MPHOSPH9: variants seen among roughly 807,000 people sequenced by gnomAD.
The protein encoded by MPHOSPH9 is M-phase phosphoprotein 9.
MPHOSPH9 carries 88 observed loss-of-function variants against 145.5 expected under a neutral mutation model. The observed-to-expected ratio is 0.60, with a 90% confidence interval of 0.51 to 0.72. The LOEUF (loss-of-function observed/expected upper bound fraction) is 0.72. MPHOSPH9 is among the 30% of genes least tolerant of loss of function. MPHOSPH9 has a pLI of 0.00. For synonymous variants in MPHOSPH9, 435 were observed against 486.2 expected, an observed-to-expected ratio of 0.89 and a Z score of 1.39; for missense variants, 1,238 against 1,386.6, an observed-to-expected ratio of 0.89 and a Z score of 1.70.
chr12:123,212,308 C>A (rs933649917), intron 7 of MPHOSPH9, among the ~76,000 whole-genome samples: 2 of 152,096 alleles, frequency 1.3e-5, no homozygotes, highest in African/African-American at 4.8e-5. Context: ...GGGAAAAGAA[C>A]ATTTCAAGTA....
Position 123,221,244 on chromosome 12 carries a change from AT to A in MPHOSPH9, c.872+127del, listed in dbSNP as rs1439812501. ...CATTAGAATATAGTGTGCTTTGTTTATTTCAATTTTCTACAGGCAATGAACT... is the reference window on the plus strand; with the variant it reads ...CATTAGAATATAGTGTGCTTTGTTTATTCAATTTTCTACAGGCAATGAACT... On this transcript the variant is annotated intron_variant, in intron 5 of 23. Coordinates refer to ENST00000606320, the MANE Select transcript of MPHOSPH9 (RefSeq NM_022782.4). 10 of 773,586 alleles carry A rather than the reference AT, an allele frequency of 1.3e-5. No individual in the cohort carries two copies. In the East Asian group the frequency reaches 2.7e-4, roughly 21 times the overall value. The allele number at this position is 773,586 out of a possible 1,614,324, so 47.9% of individuals were successfully genotyped here.
At chr12:123,221,041 C>A (rs1482907108) in intron 5 of MPHOSPH9, among the ~76,000 whole-genome samples, 1 of 152,094 alleles carries the variant, frequency 6.6e-6, no homozygotes, top group African/African-American at 2.4e-5. Context: ...GGTGACAGAG[C>A]GAGACTCCGT....
At chr12:123,187,116 C>T (rs2045477684) in intron 13 of MPHOSPH9, among the ~76,000 whole-genome samples, 2 of 152,040 alleles carry the variant, frequency 1.3e-5, no homozygotes, top group Non-Finnish European at 2.9e-5. Context: ...AAAAAACTAG[C>T]CGGGTGTTGT....
At chr12:123,190,745 G>A (rs190399576) in intron 13 of MPHOSPH9, among the ~76,000 whole-genome samples, 1 of 152,302 alleles carries the variant, frequency 6.6e-6, no homozygotes, top group Non-Finnish European at 1.5e-5. Context: ...AGAACTGCAT[G>A]AGGATAACAG....
At position 123,202,672 on chromosome 12, in the gene MPHOSPH9, G is replaced by A; in HGVS notation, c.1733C>T (p.Pro578Leu). Residue 578 changes from proline to leucine, a missense_variant, in exon 10 of 24, where the codon CCA becomes CTA. This residue lies in a region of MPHOSPH9 where 837 missense variants were observed against 897.5 expected (regional missense o/e 0.93). Transcript: ENST00000606320. ...CAAGGAAGTCAATGAAATGCATTCT[G>A]GGACACTGTTGGCTGTACCTGGAAG... The part of the protein sequence containing the change: ...SQLPGTANSV[P>L]ECISLTSLED... The A allele has an allele frequency of 6.2e-7, 1 of 1,614,140 alleles. No individual in the cohort carries two copies. The highest frequency in any genetic ancestry group is 1.6e-4 in the Middle Eastern group (1 of 6,062).
At chr12:123,213,993 G>C (rs1033731570) in intron 7 of MPHOSPH9, among the ~76,000 whole-genome samples, 3 of 152,064 alleles carry the variant, frequency 2.0e-5, no homozygotes, top group Non-Finnish European at 2.9e-5. Flanking sequence ...TGCGATTCTA[G>C]AAAGATTTGT....
intron 10 of MPHOSPH9, 105 bp downstream of exon 10, chr12:123,202,518 TA>T (rs2046264961): frequency 7.8e-7 from 1 of 1,277,682 alleles, no homozygotes; most frequent in Non-Finnish European, 1.1e-6. Context: ...TTAAAAATGC[TA>T]AATCTCTAAG....
intron 15 of MPHOSPH9, among the ~76,000 whole-genome samples, chr12:123,179,107 C>A (rs2045007012): frequency 6.6e-6 from 1 of 152,172 alleles, no homozygotes; most frequent in East Asian, 1.9e-4. Flanking sequence ...TGAGGCACAA[C>A]CATCAGTACA....
rs187476463 is a variant in MPHOSPH9 at position 123,217,906 on chromosome 12, G to A, written c.996+470C>T. The stretch of plus-strand genomic sequence containing the variant: ...TAAAAATACAAAAAATTAGCCGGGC[G>A]TGGTGGCGGGTGCCTGTAGTCCCAG... On this transcript the variant is annotated intron_variant, in intron 6 of 23. Transcript: ENST00000606320. Among the ~76,000 whole-genome samples, 466 of 152,118 alleles carry A rather than the reference G, an allele frequency of 3.1e-3. 1 individual carries two copies. The highest frequency in any genetic ancestry group is 0.01 in the African/African-American group (435 of 41,494).
rs771150792 is a variant in MPHOSPH9, at chr12:123,161,348, C to G, written c.3169G>C (p.Val1057Leu). ...TYSEKATDNH[V>L]NHSSCPEPVP... ...GGTTCAGGGCAAGAGCTATGATTAA[C>G]ATGGTTATCGGTGGCTTTCTCAGAA... is the stretch of plus-strand genomic sequence containing the variant. Residue 1057 changes from valine (V) to leucine (L), a missense_variant, in exon 22 of 24, where the codon GTT becomes CTT. Around this residue, in one of 3 missense-constraint regions of MPHOSPH9, gnomAD observed 393 missense variants for 462.5 expected, o/e 0.85. Transcript: ENST00000606320. 20 of 1,613,962 alleles carry G rather than the reference C, an allele frequency of 1.2e-5. No individual in the cohort carries two copies. In the South Asian group the frequency reaches 2.2e-4, roughly 18 times the overall value.
intron 22 of MPHOSPH9, 124 bp from the exon 23 acceptor site, chr12:123,160,973 T>C: frequency 7.5e-7 from 1 of 1,328,210 alleles, no homozygotes; most frequent in South Asian, 1.4e-5. Context: ...TTTCCCTCTG[T>C]CAATTAGTAA....
chr12:123,161,937 A>G (rs1459487739), intron 21 of MPHOSPH9, among the ~76,000 whole-genome samples, 178 bp downstream of exon 21: 2 of 152,206 alleles, frequency 1.3e-5, no homozygotes, highest in East Asian at 1.9e-4. Context: ...CAACTTTTCA[A>G]TGAGGATAAC....
In MPHOSPH9 at chr12:123,198,250, T is replaced by G; in HGVS notation, c.2022A>C (p.Glu674Asp). 1 of 1,607,556 alleles carries G rather than the reference T, an allele frequency of 6.2e-7. No homozygotes were observed. The highest frequency in any genetic ancestry group is 1.1e-5 in the South Asian group (1 of 90,216). The change falls in exon 12 of 24, where the codon GAA becomes GAC. Residue 674 changes from glutamate (E) to aspartate (D), a missense_variant. This residue lies in a region of MPHOSPH9 where 837 missense variants were observed against 897.5 expected (regional missense o/e 0.93). Coordinates refer to ENST00000606320, the MANE Select transcript of MPHOSPH9 (RefSeq NM_022782.4). ...LENKNNLLEI[E>D]VNDLRERFSA... ...CCACCAAAAAAAGAGTACTTACCAC[T>G]TCAATTTCCAGTAAGTTATTCTTAT... is the stretch of plus-strand genomic sequence containing the variant.
chr12:123,193,957 T>C (rs1427665159), intron 13 of MPHOSPH9, among the ~76,000 whole-genome samples: 1 of 152,142 alleles, frequency 6.6e-6, no homozygotes, highest in Non-Finnish European at 1.5e-5. Context: ...TATTCACAGT[T>C]GCTGCAAAGT....
intron 4 of MPHOSPH9, 88 bp downstream of exon 4, chr12:123,222,950 G>A: frequency 1.3e-6 from 1 of 743,250 alleles, no homozygotes; most frequent in Non-Finnish European, 2.0e-6. Flanking sequence ...ATATGTGTGT[G>A]TGTATATATA....
At chr12:123,224,161 GT>G (rs1220318895) in intron 3 of MPHOSPH9, among the ~76,000 whole-genome samples, 11 of 116,230 alleles carry the variant, frequency 9.5e-5, no homozygotes, top group Non-Finnish European at 1.7e-4. Context: ...TGGAGACAGA[GT>G]CTTGCTCTGT....
intron 1 of MPHOSPH9, among the ~76,000 whole-genome samples, chr12:123,242,740 A>G (rs2047960864): frequency 6.6e-6 from 1 of 152,222 alleles, no homozygotes; most frequent in Non-Finnish European, 1.5e-5. Flanking sequence ...GACTGGTGAC[A>G]AAGCAGCTGA....
At chr12:123,237,286 C>G (rs1454519898), upstream of MPHOSPH9, among the ~76,000 whole-genome samples, 2 of 152,022 alleles carry the variant, frequency 1.3e-5, no homozygotes, top group Non-Finnish European at 2.9e-5. Context: ...CAAAATTAGC[C>G]GGGCATGATG....
At position 123,230,277 on chromosome 12, in the gene MPHOSPH9, T is replaced by C; in HGVS notation, c.88A>G (p.Asn30Asp). ...DENSLHSLGL[N>D]LNTDRSSPHL... Reference sequence around the variant, plus strand: ...CATTCTTACCTATCAGTATTTAAGTTCAGTCCAAGAGAATGAAGAGAATTT... The same window carrying C: ...CATTCTTACCTATCAGTATTTAAGTCCAGTCCAAGAGAATGAAGAGAATTT... The change falls in exon 2 of 24, where the codon AAC becomes GAC. Residue 30 changes from asparagine (N) to aspartate (D), a missense_variant. Coordinates refer to ENST00000606320, the MANE Select transcript of MPHOSPH9 (RefSeq NM_022782.4). 6.6e-7 allele frequency: 1 copy of C among 1,521,956 alleles called. No homozygotes were observed. Among genetic ancestry groups the C allele is most frequent in the Non-Finnish European group, 8.8e-7 (1 of 1,136,210 alleles). The allele number at this position is 1,521,956 out of a possible 1,614,324, so 94.3% of individuals were successfully genotyped here. A position where few individuals can be genotyped will look rare whatever the true frequency, so the allele number is the denominator to read the frequency against.
Sources: gnomAD v4.1 joint callset for allele counts (sites outside exome capture counted in the v4.1 genomes callset) on GRCh38, gnomAD v4.1.1 for gene constraint, gnomAD v4.1.1 regional missense constraint, MANE v1.5 for transcripts, NCBI Gene and HGNC (gene_info 2026-07-23, HGNC 2026-07-21) for gene names.